The following CASK variants were observed in gnomAD, a reference collection of about 807,000 sequenced individuals.
The protein encoded by CASK is calcium/calmodulin dependent serine protein kinase.
Under a neutral mutation model 82.9 loss-of-function variants are expected in CASK, and 4 were observed. That is an observed-to-expected ratio of 0.05 (90% CI 0.02 to 0.11). The LOEUF (loss-of-function observed/expected upper bound fraction) is 0.11. CASK is among the 10% of genes least tolerant of loss of function. The probability of loss-of-function intolerance (pLI) is 1.00; values close to 1 mark genes in which losing one functional copy is unlikely to be tolerated. For synonymous variants in CASK, 259 were observed against 253.5 expected, an observed-to-expected ratio of 1.02 and a Z score of -0.20; for missense variants, 358 against 720.9, an observed-to-expected ratio of 0.50 and a Z score of 5.76.
intron 2 of CASK, among the ~76,000 whole-genome samples, chrX:41,825,869 A>G (rs2070654251): frequency 8.9e-6 from 1 of 112,659 alleles, no homozygotes; most frequent in Non-Finnish European, 1.9e-5. Flanking sequence ...TAATTTCCCT[A>G]TCTTTTGATT....
chrX:41,567,287 C>G (rs1602273991), intron 16 of CASK, among the ~76,000 whole-genome samples: 1 of 111,734 alleles, frequency 8.9e-6, no homozygotes, highest in Admixed American at 9.5e-5. Flanking sequence ...AAACTACCAT[C>G]AGAGTGAACA....
chrX:41,733,396 C>A (rs913896253), intron 5 of CASK, among the ~76,000 whole-genome samples: 4 of 111,038 alleles, frequency 3.6e-5, no homozygotes, highest in Non-Finnish European at 7.5e-5. Flanking sequence ...TGAACGTGCA[C>A]ATTATGTTAA....
intron 2 of CASK, among the ~76,000 whole-genome samples, chrX:41,815,233 G>C (rs1457132904): frequency 1.8e-5 from 2 of 112,233 alleles, no homozygotes; most frequent in African/African-American, 3.2e-5. Context: ...ACAGTAGAGA[G>C]ACCTCACTGA....
intron 2 of CASK, among the ~76,000 whole-genome samples, chrX:41,828,859 G>C (rs2070725891): frequency 8.9e-6 from 1 of 112,081 alleles, no homozygotes; most frequent in Non-Finnish European, 1.9e-5. Context: ...CCTGTACATG[G>C]AGTCACTCTG....
chrX:41,700,381 C>T (rs896390414), intron 5 of CASK, among the ~76,000 whole-genome samples: 4 of 111,106 alleles, frequency 3.6e-5, no homozygotes, highest in African/African-American at 1.3e-4. Context: ...CTGGATGCTG[C>T]AGCAACATGT....
rs151139677 is a variant in CASK at position 41,922,223 on chromosome X, A to G, written c.59+707T>C. On this transcript the variant is annotated intron_variant, in intron 1 of 26. Coordinates refer to ENST00000378163, the MANE Select transcript of CASK (RefSeq NM_001367721.1). The stretch of plus-strand genomic sequence containing the variant: ...ATACAACACAGATGAAAGGATGAGC[A>G]TTTGGACTGTCAGTTCTATATTCTA... Among the ~76,000 whole-genome samples, 1,072 of 112,030 alleles carry G rather than the reference A, an allele frequency of 9.6e-3. 15 individuals carry two copies. The highest frequency in any genetic ancestry group is 0.033 in the African/African-American group (1,017 of 30,741).
intron 21 of CASK, among the ~76,000 whole-genome samples, chrX:41,551,053 G>A (rs1209863145): frequency 8.9e-6 from 1 of 112,225 alleles, no homozygotes; most frequent in Non-Finnish European, 1.9e-5. Flanking sequence ...TGATAATTTT[G>A]ACTTGCTGGC....
At chrX:41,611,913 C>G (rs1186242846) in intron 11 of CASK, among the ~76,000 whole-genome samples, 1 of 111,759 alleles carries the variant, frequency 8.9e-6, no homozygotes, top group African/African-American at 3.2e-5. Flanking sequence ...GTTGGCCGGG[C>G]TGGTCTCCAG....
At chrX:41,811,445 C>T (rs1006969035) in intron 2 of CASK, among the ~76,000 whole-genome samples, 3 of 112,577 alleles carry the variant, frequency 2.7e-5, no homozygotes, top group South Asian at 7.3e-4. Context: ...CACTCAAAAC[C>T]GCTCAACTAC....
At chrX:41,843,740 T>C (rs1022742382) in intron 2 of CASK, among the ~76,000 whole-genome samples, 1 of 111,354 alleles carries the variant, frequency 9.0e-6, no homozygotes, top group Non-Finnish European at 1.9e-5. Context: ...TTCCTTCTGA[T>C]AGATTTGCCT....
At chrX:41,643,986 G>A (rs979628012) in intron 8 of CASK, among the ~76,000 whole-genome samples, 20 of 111,819 alleles carry the variant, frequency 1.8e-4, no homozygotes, top group African/African-American at 4.9e-4. Flanking sequence ...AGCATGAAGC[G>A]CTGTTGAATT....
chrX:41,916,004 C>A (rs932688202), intron 1 of CASK, among the ~76,000 whole-genome samples: 1 of 106,736 alleles, frequency 9.4e-6, no homozygotes, highest in Non-Finnish European at 1.9e-5. Flanking sequence ...CACACACACA[C>A]ACACACACAC....
At chrX:41,560,452 C>A (rs960968480) in intron 17 of CASK, among the ~76,000 whole-genome samples, 1 of 105,984 alleles carries the variant, frequency 9.4e-6, no homozygotes, top group East Asian at 3.1e-4. Context: ...TTAGTAGAGA[C>A]GGGGTTTCAC....
intron 16 of CASK, among the ~76,000 whole-genome samples, chrX:41,565,333 C>T (rs1054914295): frequency 5.4e-5 from 6 of 111,076 alleles, no homozygotes; most frequent in East Asian, 5.6e-4. Context: ...ATTGATAGAC[C>T]GCTAGCAAGA....
chrX:41,610,105 T>A (rs1191030242), intron 11 of CASK, 80 bp from the exon 12 acceptor site: 8 of 975,559 alleles, frequency 8.2e-6, no homozygotes, highest in African/African-American at 1.9e-5. Context: ...AATCTTACAC[T>A]TAAGAACAAT....
intron 9 of CASK, among the ~76,000 whole-genome samples, chrX:41,632,965 C>T (rs1167059681): frequency 9.4e-6 from 1 of 106,039 alleles, no homozygotes; most frequent in African/African-American, 3.5e-5. Context: ...ATCACTTGAA[C>T]CTGGGAGGCG....
intron 2 of CASK, among the ~76,000 whole-genome samples, chrX:41,848,370 T>A (rs1313066494): frequency 8.9e-6 from 1 of 112,106 alleles, no homozygotes; most frequent in Non-Finnish European, 1.9e-5. Context: ...CTTGGTGCCA[T>A]CCTGGCAGTA....
intron 2 of CASK, among the ~76,000 whole-genome samples, chrX:41,830,817 C>CAAAAAAAA (rs780864898): frequency 2.7e-5 from 1 of 36,962 alleles, no homozygotes; most frequent in Non-Finnish European, 4.7e-5. Context: ...GAGACTCTGC[C>CAAAAAAAA]AAAAAAAAAA....
At position 41,680,011 on chromosome X, in the gene CASK, A is replaced by G. The variant is rs749694160; in HGVS notation, c.430-8481T>C. Among the ~76,000 whole-genome samples, 19 of 111,178 alleles carry G rather than the reference A, an allele frequency of 1.7e-4. 1 individual carries two copies. The highest frequency in any genetic ancestry group is 3.2e-4 in the Non-Finnish European group (17 of 53,022). The stretch of plus-strand genomic sequence containing the variant: ...GATAACTTGAGGTCAGGAGTTCAAG[A>G]CCAGCCCGGCCAACCTTGTCCCTAC... On this transcript the variant is annotated intron_variant, in intron 5 of 26. Coordinates refer to ENST00000378163, the MANE Select transcript of CASK (RefSeq NM_001367721.1).
Sources: allele counts gnomAD v4.1 joint callset (sites outside exome capture counted in the v4.1 genomes callset), GRCh38; gene constraint gnomAD v4.1.1; transcripts MANE v1.5; gene names NCBI Gene and HGNC (gene_info 2026-07-23, HGNC 2026-07-21).